TAFA4: variants seen among roughly 807,000 people sequenced by gnomAD.
TAFA4 encodes TAFA chemokine like family member 4.
In TAFA4, 20 loss-of-function variants were observed where a neutral mutation model predicts 21.1. The observed-to-expected ratio is 0.95, with a 90% CI of 0.67 to 1.38. The LOEUF (loss-of-function observed/expected upper bound fraction) is 1.38. Ranked by LOEUF, TAFA4 falls within the 40% of genes most tolerant of loss-of-function variation. The probability of loss-of-function intolerance (pLI) is 0.00; values close to 1 mark genes in which losing one functional copy is unlikely to be tolerated. For missense variants in TAFA4, 211 were observed against 180.9 expected, an observed-to-expected ratio of 1.17 and a Z score of -0.95; for synonymous variants, 71 against 67.4, an observed-to-expected ratio of 1.05 and a Z score of -0.26.
At chr3:68,738,224 GGGTAAGAGGGA>G (rs1702278695) in intron 5 of TAFA4, among the ~76,000 whole-genome samples, 1 of 152,152 alleles carries the variant, frequency 6.6e-6, no homozygotes, top group Non-Finnish European at 1.5e-5. Flanking sequence ...CAAAGGACCA[GGGTAAGAGGGA>G]CTGACAAAAG....
chr3:68,883,618 ATAC>A (rs761681024), intron 2 of TAFA4, among the ~76,000 whole-genome samples: 11 of 152,244 alleles, frequency 7.2e-5, no homozygotes, highest in Non-Finnish European at 1.6e-4. Context: ...AATATCTCTA[ATAC>A]AAAGAGAAAG....
intron 3 of TAFA4, among the ~76,000 whole-genome samples, chr3:68,804,178 T>A (rs1285247884): frequency 2.0e-5 from 3 of 152,036 alleles, no homozygotes; most frequent in Non-Finnish European, 2.9e-5. Context: ...TTCAACCCCT[T>A]AAGGAAAACA....
At chr3:68,785,389 G>A (rs1244726909) in intron 3 of TAFA4, among the ~76,000 whole-genome samples, 1 of 152,236 alleles carries the variant, frequency 6.6e-6, no homozygotes, top group Admixed American at 6.5e-5. Flanking sequence ...GGAGGCTCAG[G>A]CTGCACAGGA....
rs143827764 is a variant in TAFA4, at chr3:68,771,496, G to A, written c.131-18478C>T. Among the ~76,000 whole-genome samples, 484 of 152,300 alleles carry A rather than the reference G, an allele frequency of 3.2e-3. 3 individuals carry two copies. Among genetic ancestry groups the A allele is most frequent in the Non-Finnish European group, 4.6e-3 (314 of 68,032 alleles). ...GCACTGAAAATATGAGCCACACCCT[G>A]TCGCACTTCCTGCGAGGGGGATAAG... On this transcript the variant is annotated intron_variant, in intron 3 of 5. Transcript: ENST00000295569.
chr3:68,873,574 T>C (rs191576781), intron 3 of TAFA4, among the ~76,000 whole-genome samples: 2 of 152,268 alleles, frequency 1.3e-5, no homozygotes, highest in African/African-American at 4.8e-5. Flanking sequence ...TAGAAATCAC[T>C]GTCCTCCACG....
chr3:68,846,568 G>A (rs369918770), intron 3 of TAFA4, among the ~76,000 whole-genome samples: 1 of 152,076 alleles, frequency 6.6e-6, no homozygotes, highest in South Asian at 2.1e-4. Flanking sequence ...TGCTGGCAAG[G>A]AGTTGTGATC....
chr3:68,897,672 A>G (rs1327840251), intron 1 of TAFA4, among the ~76,000 whole-genome samples: 3 of 152,138 alleles, frequency 2.0e-5, no homozygotes, highest in African/African-American at 7.2e-5. Context: ...CATTTCAATG[A>G]TTATTCTTAA....
chr3:68,822,903 C>A (rs1448975727), intron 3 of TAFA4, among the ~76,000 whole-genome samples: 5 of 152,174 alleles, frequency 3.3e-5, no homozygotes, highest in African/African-American at 1.2e-4. Context: ...GGTAAGTCTG[C>A]TTTACAAATA....
At chr3:68,740,790 T>A (rs1293403202) in intron 4 of TAFA4, among the ~76,000 whole-genome samples, 1 of 152,210 alleles carries the variant, frequency 6.6e-6, no homozygotes, top group Non-Finnish European at 1.5e-5. Flanking sequence ...CTTCACAGAT[T>A]ACATTTACAT....
intron 3 of TAFA4, among the ~76,000 whole-genome samples, chr3:68,811,624 A>G (rs2106845511): frequency 6.6e-6 from 1 of 152,332 alleles, no homozygotes; most frequent in Non-Finnish European, 1.5e-5. Context: ...AGTTTAGAGA[A>G]AAAAGAATAA....
intron 1 of TAFA4, among the ~76,000 whole-genome samples, chr3:68,905,150 C>CTTTTTTTTTTTTTTT (rs145187037): frequency 2.3e-5 from 2 of 85,244 alleles, no homozygotes; most frequent in African/African-American, 9.4e-5. Context: ...AGATTTCTGC[C>CTTTTTTTTTTTTTTT]TTTTTTTTTT....
chr3:68,796,239 T>TA (rs1040496438), intron 3 of TAFA4, among the ~76,000 whole-genome samples: 1 of 152,042 alleles, frequency 6.6e-6, no homozygotes, highest in Non-Finnish European at 1.5e-5. Flanking sequence ...AATAAAGCAA[T>TA]AAATGAAAAA....
At chr3:68,804,066 G>A (rs1203213917) in intron 3 of TAFA4, among the ~76,000 whole-genome samples, 2 of 151,938 alleles carry the variant, frequency 1.3e-5, no homozygotes, top group East Asian at 3.9e-4. Context: ...AGGATTATAG[G>A]TGTGAGCCAT....
intron 1 of TAFA4, among the ~76,000 whole-genome samples, chr3:68,928,518 T>C (rs768315367): frequency 1.3e-5 from 2 of 152,236 alleles, no homozygotes; most frequent in African/African-American, 4.8e-5. Context: ...TCTTTCCATG[T>C]GTTCAGTTAG....
At chr3:68,837,167 G>C (rs1012838289) in intron 3 of TAFA4, among the ~76,000 whole-genome samples, 2 of 152,194 alleles carry the variant, frequency 1.3e-5, no homozygotes, top group Admixed American at 6.5e-5. Context: ...TTTACTATGT[G>C]ACCCCTTGAA....
intron 3 of TAFA4, among the ~76,000 whole-genome samples, chr3:68,778,539 G>C (rs1176673824): frequency 1.3e-5 from 2 of 152,306 alleles, no homozygotes; most frequent in African/African-American, 4.8e-5. Flanking sequence ...GGAGGTAATT[G>C]AATCATGGGG....
intron 3 of TAFA4, among the ~76,000 whole-genome samples, chr3:68,864,860 C>A (rs1458379040): frequency 6.8e-6 from 1 of 146,122 alleles, no homozygotes; most frequent in Non-Finnish European, 1.5e-5. Flanking sequence ...CAGAAAGAAA[C>A]CAGATGAAAA....
Position 68,911,067 on chromosome 3 carries a change from T to G in TAFA4, c.-123+21173A>C, listed in dbSNP as rs2107004393. Among the ~76,000 whole-genome samples, 4 of 152,350 alleles carry G rather than the reference T, an allele frequency of 2.6e-5. No individual in the cohort carries two copies. In the Middle Eastern group the frequency reaches 0.01, roughly 389 times the overall value. On this transcript the variant is annotated intron_variant, in intron 1 of 5. Coordinates refer to ENST00000295569, the MANE Select transcript of TAFA4 (RefSeq NM_182522.5). Reference sequence around the variant, plus strand: ...ATTTTTCTCTTCTGCTGAATTTACATTTCAATAACTGTAGCCCCAAAACAT... The same window carrying G: ...ATTTTTCTCTTCTGCTGAATTTACAGTTCAATAACTGTAGCCCCAAAACAT...
At chr3:68,739,237 T>C in intron 4 of TAFA4, 38 bp from the exon 5 acceptor site, 1 of 1,611,164 alleles carries the variant, frequency 6.2e-7, no homozygotes, top group Non-Finnish European at 8.5e-7. Flanking sequence ...GTGACACTGT[T>C]TCTTCCTCCA....
Sources: allele counts gnomAD v4.1 joint callset (sites outside exome capture counted in the v4.1 genomes callset), GRCh38; gene constraint gnomAD v4.1.1; transcripts MANE v1.5; gene names NCBI Gene and HGNC (gene_info 2026-07-23, HGNC 2026-07-21).